CDH12: variants seen among roughly 807,000 people sequenced by gnomAD.
CDH12 encodes cadherin 12.
A neutral mutation model predicts 74.1 loss-of-function variants in CDH12; 41 were observed. That is an observed-to-expected ratio of 0.55 (90% CI 0.43 to 0.72). The LOEUF (loss-of-function observed/expected upper bound fraction) is 0.72. Among genes scored for constraint, CDH12 ranks in the 30% least tolerant of loss-of-function variants. The probability of loss-of-function intolerance (pLI) is 0.00; values close to 1 mark genes in which losing one functional copy is unlikely to be tolerated. For synonymous variants in CDH12, 399 were observed against 355.0 expected (o/e 1.12, Z -1.39); for missense variants, 945 against 977.2 (o/e 0.97, Z 0.44).
intron 2 of CDH12, among the ~76,000 whole-genome samples, chr5:22,479,722 TAA>T (rs1450548678): frequency 6.6e-6 from 1 of 152,230 alleles, no homozygotes; most frequent in South Asian, 2.1e-4. Context: ...CACATTTCAA[TAA>T]AAGTTATAAT....
At chr5:22,529,596 G>A (rs1232170998) in intron 1 of CDH12, among the ~76,000 whole-genome samples, 2 of 151,944 alleles carry the variant, frequency 1.3e-5, no homozygotes, top group Non-Finnish European at 2.9e-5. Flanking sequence ...TGCTATACTC[G>A]GTCTATTTAT....
At chr5:21,867,852 G>A (rs754011336) in intron 6 of CDH12, among the ~76,000 whole-genome samples, 24 of 152,138 alleles carry the variant, frequency 1.6e-4, no homozygotes, top group Non-Finnish European at 3.2e-4. Context: ...TGATATTTAA[G>A]GGGTGAAATG....
chr5:22,827,705 G>C (rs1736408738), intron 1 of CDH12, among the ~76,000 whole-genome samples: 1 of 151,914 alleles, frequency 6.6e-6, no homozygotes, highest in South Asian at 2.1e-4. Context: ...TAAATCCAAA[G>C]AACTTAAAAC....
chr5:21,981,104 G>A (rs2150127219), intron 5 of CDH12, among the ~76,000 whole-genome samples: 1 of 152,064 alleles, frequency 6.6e-6, no homozygotes, highest in South Asian at 2.1e-4. Context: ...AAATGTTATA[G>A]TAGTTCTTTA....
At chr5:22,298,735 G>A (rs562470616) in intron 3 of CDH12, among the ~76,000 whole-genome samples, 16 of 152,222 alleles carry the variant, frequency 1.1e-4, no homozygotes, top group African/African-American at 3.9e-4. Flanking sequence ...GCTATGGAAT[G>A]AAACAAAACA....
intron 8 of CDH12, among the ~76,000 whole-genome samples, chr5:21,825,146 CTA>C (rs1238000092): frequency 4.4e-5 from 6 of 136,680 alleles, no homozygotes; most frequent in African/African-American, 1.8e-4. Context: ...GAGTGAGACT[CTA>C]TCTCAAAAAA....
chr5:21,904,295 G>A (rs1397838276), intron 6 of CDH12, among the ~76,000 whole-genome samples: 1 of 152,136 alleles, frequency 6.6e-6, no homozygotes, highest in Non-Finnish European at 1.5e-5. Flanking sequence ...CCAAAACGAG[G>A]AAGTGAATGC....
At chr5:22,621,437 A>G (rs915511846) in intron 1 of CDH12, among the ~76,000 whole-genome samples, 7 of 152,166 alleles carry the variant, frequency 4.6e-5, no homozygotes, top group African/African-American at 1.7e-4. Context: ...AAGGTAAAAA[A>G]GCCTCAAAGT....
chr5:21,993,502 G>A (rs1337472578), intron 5 of CDH12, among the ~76,000 whole-genome samples: 2 of 152,208 alleles, frequency 1.3e-5, no homozygotes, highest in Non-Finnish European at 2.9e-5. Flanking sequence ...AGCCAGCTTG[G>A]AAGAAAGCAA....
intron 3 of CDH12, among the ~76,000 whole-genome samples, chr5:22,383,165 T>C (rs953887706): frequency 6.6e-6 from 1 of 152,144 alleles, no homozygotes; most frequent in Non-Finnish European, 1.5e-5. Context: ...TCAATCTAAT[T>C]GCAAATGGTG....
At chr5:22,087,971 G>A (rs1743178915) in intron 4 of CDH12, among the ~76,000 whole-genome samples, 1 of 152,114 alleles carries the variant, frequency 6.6e-6, no homozygotes, top group Non-Finnish European at 1.5e-5. Flanking sequence ...CATCAAAATT[G>A]TCTGAAGCCA....
chr5:22,103,707 G>A (rs1170441483), intron 4 of CDH12, among the ~76,000 whole-genome samples: 1 of 152,192 alleles, frequency 6.6e-6, no homozygotes, highest in Non-Finnish European at 1.5e-5. Context: ...ATTCTGAATT[G>A]AAGGTTATAT....
intron 2 of CDH12, among the ~76,000 whole-genome samples, chr5:22,480,933 C>T (rs946036867): frequency 6.6e-6 from 1 of 152,136 alleles, no homozygotes; most frequent in African/African-American, 2.4e-5. Flanking sequence ...ATTTTTCCAG[C>T]AAGAAATTAT....
intron 6 of CDH12, among the ~76,000 whole-genome samples, chr5:21,892,587 G>A (rs1451472818): frequency 1.3e-5 from 2 of 151,900 alleles, no homozygotes; most frequent in African/African-American, 4.8e-5. Flanking sequence ...TCTTCTTGTG[G>A]CAGAAACTCA....
intron 11 of CDH12, among the ~76,000 whole-genome samples, chr5:21,779,045 T>C (rs4701252): frequency 0.14 from 21,839 of 152,126 alleles, 1,929 homozygotes; most frequent in East Asian, 0.23. Context: ...TTCACTGTTT[T>C]TTTTTAACTT....
chr5:22,735,888 G>T lies in CDH12; in HGVS notation c.-523+117170C>A, dbSNP rs76243310. Among the ~76,000 whole-genome samples, 1,132 of 151,844 alleles carry T rather than the reference G, an allele frequency of 7.5e-3. 11 individuals are homozygous for T. Among genetic ancestry groups the T allele is most frequent in the African/African-American group, 0.025 (1,056 of 41,496 alleles). On this transcript the variant is annotated intron_variant, in intron 1 of 14. Coordinates refer to ENST00000382254, the MANE Select transcript of CDH12 (RefSeq NM_004061.5). ...AATTAATCTGGAGAAGTGTCTATAC[G>T]AAAAGTTATAAGATAGTCTTTAAGA...
At chr5:22,786,998 T>C (rs1747663133) in intron 1 of CDH12, among the ~76,000 whole-genome samples, 1 of 152,042 alleles carries the variant, frequency 6.6e-6, no homozygotes, top group African/African-American at 2.4e-5. Context: ...TCACACCTTT[T>C]TGATTAATTA....
chr5:22,772,703 C>A (rs1454098135), intron 1 of CDH12, among the ~76,000 whole-genome samples: 2 of 152,066 alleles, frequency 1.3e-5, no homozygotes, highest in Non-Finnish European at 2.9e-5. Flanking sequence ...GCAAGGTATG[C>A]AGAAACCATG....
At chr5:22,722,727 C>T (rs1381043967) in intron 1 of CDH12, among the ~76,000 whole-genome samples, 1 of 152,154 alleles carries the variant, frequency 6.6e-6, no homozygotes, top group East Asian at 1.9e-4. Flanking sequence ...GATGTATATC[C>T]ATATTCACTC....
Sources: allele counts gnomAD v4.1 joint callset (sites outside exome capture counted in the v4.1 genomes callset), GRCh38; gene constraint gnomAD v4.1.1; transcripts MANE v1.5; gene names NCBI Gene and HGNC (gene_info 2026-07-23, HGNC 2026-07-21).